Variants in MTUS2 observed in about 807,000 individuals in gnomAD.
The protein encoded by MTUS2 is microtubule-associated tumor suppressor candidate 2.
Under a neutral mutation model 114.1 loss-of-function variants are expected in MTUS2, and 40 were observed. The observed-to-expected ratio is 0.35, with a 90% CI of 0.27 to 0.46. The LOEUF (loss-of-function observed/expected upper bound fraction) is 0.46, where lower values mean the gene tolerates loss of function less well. Ranked by LOEUF, MTUS2 falls within the 20% of genes least tolerant of loss-of-function variation. The probability of loss-of-function intolerance (pLI) is 1.00; values close to 1 mark genes in which losing one functional copy is unlikely to be tolerated. For missense variants in MTUS2, 1,679 were observed against 1,705.4 expected, an observed-to-expected ratio of 0.98 and a Z score of 0.27; for synonymous variants, 688 against 672.0, an observed-to-expected ratio of 1.02 and a Z score of -0.37.
chr13:29,499,958 CT>C (rs1392240512), intron 14 of MTUS2, among the ~76,000 whole-genome samples: 1 of 152,238 alleles, frequency 6.6e-6, no homozygotes, highest in Non-Finnish European at 1.5e-5. Flanking sequence ...CAGGCCAGGC[CT>C]AGGGCTGGCG....
chr13:28,835,502 G>T (rs1438514397), intron 1 of MTUS2, among the ~76,000 whole-genome samples: 1 of 152,186 alleles, frequency 6.6e-6, no homozygotes, highest in Non-Finnish European at 1.5e-5. Flanking sequence ...CTGGGCTGAG[G>T]AGGGCTGTGG....
At chr13:28,852,797 A>G (rs1876365454) in intron 2 of MTUS2, among the ~76,000 whole-genome samples, 1 of 152,044 alleles carries the variant, frequency 6.6e-6, no homozygotes, top group Non-Finnish European at 1.5e-5. Context: ...CCTGGGATGC[A>G]GATCACGCCA....
At chr13:29,310,812 T>C (rs1329675115) in intron 6 of MTUS2, among the ~76,000 whole-genome samples, 12 of 152,180 alleles carry the variant, frequency 7.9e-5, no homozygotes, top group African/African-American at 9.6e-5. Flanking sequence ...ACAGCCACTT[T>C]GGGAAATAAT....
At chr13:28,963,393 C>G (rs1029129755) in intron 2 of MTUS2, among the ~76,000 whole-genome samples, 4 of 152,142 alleles carry the variant, frequency 2.6e-5, no homozygotes, top group African/African-American at 9.7e-5. Flanking sequence ...AATAGAGTAT[C>G]TGCATATGTG....
intron 9 of MTUS2, among the ~76,000 whole-genome samples, chr13:29,448,604 C>G (rs1177516902): frequency 6.6e-6 from 1 of 151,908 alleles, no homozygotes; most frequent in Non-Finnish European, 1.5e-5. Context: ...GAGCTTGTGA[C>G]AGCCTCTGTT....
chr13:29,244,942 C>G (rs1395918390), intron 5 of MTUS2, among the ~76,000 whole-genome samples: 1 of 76,448 alleles, frequency 1.3e-5, no homozygotes, highest in Non-Finnish European at 2.4e-5. Context: ...GGCGACAGAG[C>G]GAGACTCCGT....
intron 4 of MTUS2, 129 bp downstream of exon 4, chr13:29,034,254 A>G: frequency 8.4e-7 from 1 of 1,195,024 alleles, no homozygotes. Context: ...GTTCTTCCAT[A>G]TGTCTGTAGA....
At chr13:29,248,982 T>C (rs1433628498) in intron 5 of MTUS2, among the ~76,000 whole-genome samples, 3 of 151,984 alleles carry the variant, frequency 2.0e-5, no homozygotes, top group African/African-American at 7.3e-5. Flanking sequence ...TTTCGTTCGT[T>C]TGTTCGTTTG....
At chr13:28,851,613 T>C (rs911082709) in intron 2 of MTUS2, among the ~76,000 whole-genome samples, 2 of 152,226 alleles carry the variant, frequency 1.3e-5, no homozygotes, top group African/African-American at 4.8e-5. Flanking sequence ...TGGTACCTGC[T>C]GACAAGGACT....
chr13:29,425,282 A>C (rs928961138), intron 8 of MTUS2, among the ~76,000 whole-genome samples: 1 of 152,026 alleles, frequency 6.6e-6, no homozygotes, highest in Non-Finnish European at 1.5e-5. Flanking sequence ...GCGTGATGGC[A>C]CGCACCTGTA....
At chr13:28,866,699 T>A (rs1877319356) in intron 2 of MTUS2, among the ~76,000 whole-genome samples, 1 of 152,126 alleles carries the variant, frequency 6.6e-6, no homozygotes, top group Non-Finnish European at 1.5e-5. Flanking sequence ...ATAAAGTATA[T>A]GTAATTTTCA....
At chr13:29,138,008 G>T (rs1049467917) in intron 5 of MTUS2, among the ~76,000 whole-genome samples, 3 of 152,260 alleles carry the variant, frequency 2.0e-5, no homozygotes, top group African/African-American at 7.2e-5. Flanking sequence ...TAGGGAGGAG[G>T]TGGAACATCG....
intron 8 of MTUS2, among the ~76,000 whole-genome samples, chr13:29,437,684 A>G (rs1010642022): frequency 5.9e-5 from 9 of 152,160 alleles, no homozygotes; most frequent in African/African-American, 2.2e-4. Flanking sequence ...GGTGGCTCAC[A>G]CCTGTAATCC....
intron 8 of MTUS2, among the ~76,000 whole-genome samples, chr13:29,406,317 C>G (rs923277181): frequency 6.6e-6 from 1 of 152,164 alleles, no homozygotes; most frequent in Non-Finnish European, 1.5e-5. Context: ...GATTCTGGCT[C>G]AGGATTGCTC....
chr13:28,946,425 T>A (rs1882538101), intron 2 of MTUS2, among the ~76,000 whole-genome samples: 2 of 152,106 alleles, frequency 1.3e-5, no homozygotes, highest in Admixed American at 6.5e-5. Flanking sequence ...AATTCACAAA[T>A]GTAATTTTTC....
chr13:29,215,514 A>G (rs901261407), intron 5 of MTUS2, among the ~76,000 whole-genome samples: 19 of 109,988 alleles, frequency 1.7e-4, no homozygotes, highest in African/African-American at 6.1e-4. Context: ...TTGTGGATTT[A>G]TCTACCTTTG....
intron 2 of MTUS2, among the ~76,000 whole-genome samples, chr13:28,893,721 C>T (rs771465263): frequency 6.6e-6 from 1 of 152,134 alleles, no homozygotes; most frequent in Non-Finnish European, 1.5e-5. Flanking sequence ...GAGATACCCT[C>T]CACGTGGTTT....
At chr13:28,873,335 C>G (rs1458197761) in intron 2 of MTUS2, among the ~76,000 whole-genome samples, 1 of 152,220 alleles carries the variant, frequency 6.6e-6, no homozygotes, top group East Asian at 1.9e-4. Context: ...TTAACCCACT[C>G]TCATCATTTA....
chr13:29,233,409 C>T (rs1034818705), intron 5 of MTUS2, among the ~76,000 whole-genome samples: 1 of 152,070 alleles, frequency 6.6e-6, no homozygotes, highest in Non-Finnish European at 1.5e-5. Flanking sequence ...GGAAGTGTAC[C>T]CACCGTGAAG....
Sources: allele counts gnomAD v4.1 joint callset (sites outside exome capture counted in the v4.1 genomes callset), GRCh38; gene constraint gnomAD v4.1.1; transcripts MANE v1.5; gene names NCBI Gene and HGNC (gene_info 2026-07-23, HGNC 2026-07-21).